The following TRPC4AP variants were observed in gnomAD, a reference collection of about 807,000 sequenced individuals.
The protein encoded by TRPC4AP is short transient receptor potential channel 4-associated protein.
Under a neutral mutation model 99.0 loss-of-function variants are expected in TRPC4AP, and 45 were observed. The ratio of observed to expected loss-of-function variants is 0.45; its 90% CI spans 0.36 to 0.58. The LOEUF is 0.58. Among genes scored for constraint, TRPC4AP ranks in the 20% least tolerant of loss-of-function variants. TRPC4AP has a pLI of 0.00. For synonymous variants in TRPC4AP, 408 were observed against 385.8 expected, an observed-to-expected ratio of 1.06 and a Z score of -0.67; for missense variants, 879 against 985.3, an observed-to-expected ratio of 0.89 and a Z score of 1.44.
chr20:35,073,541 T>C (rs1192166513), intron 2 of TRPC4AP, among the ~76,000 whole-genome samples: 5 of 152,230 alleles, frequency 3.3e-5, no homozygotes, highest in African/African-American at 1.2e-4. Context: ...ATGTGGTTTT[T>C]GTCTTTGGTT....
At chr20:35,068,978 C>CACAAAAA (rs748790693) in intron 3 of TRPC4AP, among the ~76,000 whole-genome samples, 178 of 95,136 alleles carry the variant, frequency 1.9e-3, no homozygotes, top group African/African-American at 6.4e-3. Context: ...CACACACACA[C>CACAAAAA]AAAAAAAACA....
Position 35,003,490 on chromosome 20 carries a change from G to A in TRPC4AP, c.2176C>T (p.Leu726Phe), listed in dbSNP as rs1173745467. 6.2e-7 allele frequency: 1 copy of A among 1,613,992 alleles called. No individual in the cohort carries two copies. The highest frequency in any genetic ancestry group is 8.5e-7 in the Non-Finnish European group (1 of 1,180,042). Reference sequence around the variant, plus strand: ...CGCAGCAGGTTGTGGAAGTTGTTGAGCAGGAAGCCGGGGTACTTCTTGCTG... The same window carrying A: ...CGCAGCAGGTTGTGGAAGTTGTTGAACAGGAAGCCGGGGTACTTCTTGCTG... The part of the protein sequence containing the change: ...EHSKKYPGFL[L>F]NNFHNLLRFW... Residue 726 changes from leucine to phenylalanine, a missense_variant, in exon 18 of 19, where the codon CTC (leucine) becomes TTC (phenylalanine). Physicochemically the swap from Leu to Phe is conservative, Grantham distance 22. Transcript: ENST00000252015.
chr20:35,005,636 G>A lies in TRPC4AP; in HGVS notation c.1936+59C>T, dbSNP rs1212563717. The A allele has an allele frequency of 1.6e-5, 24 of 1,490,954 alleles. 1 individual carries two copies. In the Admixed American group the frequency reaches 4.0e-4, roughly 25 times the overall value. 92.4% of individuals were successfully genotyped at this position (1,490,954 alleles called of 1,614,324 possible). The stretch of plus-strand genomic sequence containing the variant: ...CTTGTCTCCCTGCTGGAGACAGGGT[G>A]TCTGATGCCAGCATTCTTACCCTGC... On this transcript the variant is annotated intron_variant, in intron 16 of 18. Transcript: ENST00000252015.
Position 35,042,371 on chromosome 20 carries a change from C to T in TRPC4AP, c.865+2134G>A, listed in dbSNP as rs551811595. ...GTTCCTAACTAAAACTAGACAATAACAGAGTGAATGGCAGGTTCATATTCA... is the reference window on the plus strand; with the variant it reads ...GTTCCTAACTAAAACTAGACAATAATAGAGTGAATGGCAGGTTCATATTCA... On this transcript the variant is annotated intron_variant, in intron 7 of 18. Coordinates refer to ENST00000252015, the MANE Select transcript of TRPC4AP (RefSeq NM_015638.3). 9.2e-4 allele frequency among the ~76,000 whole-genome samples: 140 copies of T among 152,236 alleles called. 2 individuals are homozygous for T. Among genetic ancestry groups the T allele is most frequent in the Middle Eastern group, 6.8e-3 (2 of 294 alleles).
chr20:35,057,613 G>A lies in TRPC4AP; in HGVS notation c.415-42C>T, dbSNP rs767321200. On this transcript the variant is annotated intron_variant, in intron 3 of 18. Coordinates refer to ENST00000252015, the MANE Select transcript of TRPC4AP (RefSeq NM_015638.3). Reference sequence around the variant, plus strand: ...ATAAAATCTTCAAAATTAATTCAAAGTATAACTTATAAAATGATTTTGCCA... The same window carrying A: ...ATAAAATCTTCAAAATTAATTCAAAATATAACTTATAAAATGATTTTGCCA... 3.4e-6 allele frequency: 5 copies of A among 1,492,192 alleles called. No homozygotes were observed. The South Asian group carries it at 4.6e-5, about 14-fold the overall frequency. 92.4% of individuals were successfully genotyped at this position (1,492,192 alleles called of 1,614,324 possible).
intron 3 of TRPC4AP, among the ~76,000 whole-genome samples, 196 bp downstream of exon 3, chr20:35,069,100 T>C (rs543364278): frequency 6.6e-5 from 10 of 152,274 alleles, no homozygotes; most frequent in African/African-American, 2.2e-4. Context: ...TAAAAAGGTA[T>C]ACACCAATTT....
chr20:35,014,034 AG>A (rs2082695378), intron 10 of TRPC4AP, among the ~76,000 whole-genome samples: 1 of 152,210 alleles, frequency 6.6e-6, no homozygotes, highest in Non-Finnish European at 1.5e-5. Context: ...AAATGCCTCC[AG>A]GGCTGAGGCT....
At chr20:35,019,866 T>G (rs572977901) in intron 9 of TRPC4AP, among the ~76,000 whole-genome samples, 11 of 152,178 alleles carry the variant, frequency 7.2e-5, no homozygotes, top group South Asian at 6.2e-4. Flanking sequence ...AGCCTTGCCA[T>G]CTCCCCAACA....
intron 2 of TRPC4AP, among the ~76,000 whole-genome samples, chr20:35,071,823 T>C (rs1392115520): frequency 2.6e-5 from 4 of 152,216 alleles, no homozygotes; most frequent in Admixed American, 6.5e-5. Context: ...CTGGGTCAAA[T>C]GGTATTTCTA....
chr20:35,069,397 G>A lies in TRPC4AP; in HGVS notation c.313C>T (p.Leu105Phe). The A allele has an allele frequency of 1.2e-6, 2 of 1,608,300 alleles. No individual in the cohort carries two copies. Among genetic ancestry groups the A allele is most frequent in the Non-Finnish European group, 8.5e-7 (1 of 1,176,140 alleles). The change falls in exon 3 of 19, where the codon CTC (leucine) becomes TTC (phenylalanine). Residue 105 changes from leucine (L) to phenylalanine (F), a missense_variant. This residue lies in a region of TRPC4AP where 603 missense variants were observed against 631.8 expected (regional missense o/e 0.95). Coordinates refer to ENST00000252015, the MANE Select transcript of TRPC4AP (RefSeq NM_015638.3). ...QNILKEISPL[L>F]SMEAMAFVTE... Reference sequence around the variant, plus strand: ...ACAAATGCCATAGCCTCCATGGAGAGAAGAGGAGAAATTTCCTAGTTTTTT... The same window carrying A: ...ACAAATGCCATAGCCTCCATGGAGAAAAGAGGAGAAATTTCCTAGTTTTTT...
chr20:35,037,956 A>G (rs745618404), intron 7 of TRPC4AP, among the ~76,000 whole-genome samples: 11 of 151,988 alleles, frequency 7.2e-5, no homozygotes, highest in Admixed American at 2.0e-4. Context: ...ACCTCACTGC[A>G]TTTCTCAGAA....
intron 3 of TRPC4AP, among the ~76,000 whole-genome samples, chr20:35,065,557 T>C (rs1418169557): frequency 6.6e-6 from 1 of 152,144 alleles, no homozygotes; most frequent in East Asian, 1.9e-4. Flanking sequence ...ACAAGCTGTT[T>C]GGAAAATACT....
rs147355930 is a variant in TRPC4AP, at chr20:35,025,755, T to C, written c.1052-4399A>G. 1.4e-3 allele frequency among the ~76,000 whole-genome samples: 213 copies of C among 152,328 alleles called. 1 individual carries two copies. Among genetic ancestry groups the C allele is most frequent in the African/African-American group, 4.9e-3 (202 of 41,576 alleles). ...TCTTTTCACTTTCCTCATTGTGTTT[T>C]CTGAAGAACAAAAAGTTTTAATTTT... On this transcript the variant is annotated intron_variant, in intron 8 of 18. Transcript: ENST00000252015.
At chr20:35,081,505 C>T (rs947660362) in intron 1 of TRPC4AP, among the ~76,000 whole-genome samples, 2 of 150,800 alleles carry the variant, frequency 1.3e-5, no homozygotes, top group East Asian at 3.9e-4. Flanking sequence ...AGAATGCAAC[C>T]CTGTCTCAAA....
intron 16 of TRPC4AP, among the ~76,000 whole-genome samples, chr20:35,005,190 G>A (rs1367393652): frequency 6.6e-6 from 1 of 152,176 alleles, no homozygotes; most frequent in African/African-American, 2.4e-5. Flanking sequence ...GATACTTCTT[G>A]CTATCAATGA....
At chr20:35,025,727 T>C (rs556796459) in intron 8 of TRPC4AP, among the ~76,000 whole-genome samples, 16 of 152,314 alleles carry the variant, frequency 1.1e-4, no homozygotes, top group African/African-American at 3.8e-4. Flanking sequence ...ATTCTGTGGG[T>C]TCTCTTTTCA....
Position 35,007,436 on chromosome 20 carries a change from A to G in TRPC4AP, c.1686+114T>C, listed in dbSNP as rs2082537535. On this transcript the variant is annotated intron_variant, in intron 14 of 18. Transcript: ENST00000252015. ...TAAGGCAGCCTGCACAGGCATTTGG[A>G]AGTCACGAGATCTGCTCTGCTCCTG... is the stretch of plus-strand genomic sequence containing the variant. The G allele has an allele frequency of 9.2e-6, 10 of 1,090,700 alleles. 1 individual carries two copies. In the South Asian group the frequency reaches 1.5e-4, roughly 17 times the overall value. 67.6% of individuals were successfully genotyped at this position (1,090,700 alleles called of 1,614,324 possible). A position where few individuals can be genotyped will look rare whatever the true frequency, so the allele number is the denominator to read the frequency against.
intron 3 of TRPC4AP, among the ~76,000 whole-genome samples, chr20:35,067,611 C>G (rs1172502025): frequency 1.3e-5 from 2 of 152,142 alleles, no homozygotes; most frequent in Non-Finnish European, 2.9e-5. Flanking sequence ...AAGACGGAGG[C>G]AATCCAAATG....
intron 11 of TRPC4AP, among the ~76,000 whole-genome samples, chr20:35,012,687 G>T (rs533997180): frequency 6.6e-6 from 1 of 152,186 alleles, no homozygotes; most frequent in African/African-American, 2.4e-5. Context: ...GAATAGCCAC[G>T]CTGTCCACTC....
Sources: gnomAD v4.1 joint callset for allele counts (sites outside exome capture counted in the v4.1 genomes callset) on GRCh38, gnomAD v4.1.1 for gene constraint, gnomAD v4.1.1 regional missense constraint, MANE v1.5 for transcripts, NCBI Gene and HGNC (gene_info 2026-07-23, HGNC 2026-07-21) for gene names.